The following OSBPL10 variants were observed in gnomAD, a reference collection of about 807,000 sequenced individuals.
The protein encoded by OSBPL10 is oxysterol-binding protein-related protein 10.
In OSBPL10, 49 loss-of-function variants were observed where a neutral mutation model predicts 81.7. The observed-to-expected ratio is 0.60, with a 90% CI of 0.48 to 0.76. The LOEUF (loss-of-function observed/expected upper bound fraction) is 0.76, where lower values mean the gene tolerates loss of function less well. OSBPL10 is among the 30% of genes least tolerant of loss of function. The probability of loss-of-function intolerance (pLI) is 0.00; values close to 1 mark genes in which losing one functional copy is unlikely to be tolerated. For synonymous variants in OSBPL10, 419 were observed against 383.6 expected (o/e 1.09, Z -1.08); for missense variants, 923 against 987.8 (o/e 0.93, Z 0.88).
At chr3:31,922,764 T>TC (rs1212178928) in intron 1 of OSBPL10, among the ~76,000 whole-genome samples, 5 of 152,058 alleles carry the variant, frequency 3.3e-5, no homozygotes, top group African/African-American at 1.2e-4. Context: ...AGTGATCTGT[T>TC]CCCCCGGCTG....
At chr3:31,732,495 G>C (rs1403113940) in intron 6 of OSBPL10, 1 of 152,198 alleles carries the variant, frequency 6.6e-6, no homozygotes, top group East Asian at 1.9e-4. Context: ...CATGGTTAAA[G>C]GAGGCCTCCG....
chr3:31,989,663 T>G (rs765183438), intron 2 of OSBPL10: 29 of 1,614,112 alleles, frequency 1.8e-5, no homozygotes, highest in Non-Finnish European at 2.5e-5. Flanking sequence ...TCCCAAAGAA[T>G]TTCTTCTAGG....
chr3:31,773,928 C>T (rs1224128002), intron 4 of OSBPL10, among the ~76,000 whole-genome samples: 2 of 151,974 alleles, frequency 1.3e-5, no homozygotes, highest in African/African-American at 2.4e-5. Flanking sequence ...CTTTGGGAGG[C>T]CGAGGTGGGT....
chr3:31,751,158 A>C (rs911780441), intron 4 of OSBPL10, among the ~76,000 whole-genome samples: 1 of 152,000 alleles, frequency 6.6e-6, no homozygotes, highest in African/African-American at 2.4e-5. Flanking sequence ...AAAACAACAA[A>C]AACAAACAAA....
chr3:31,692,149 A>T (rs1330012296), intron 7 of OSBPL10, among the ~76,000 whole-genome samples: 2 of 152,218 alleles, frequency 1.3e-5, no homozygotes, highest in South Asian at 2.1e-4. Flanking sequence ...GTTTTTCCAG[A>T]GTCCCAGACA....
chr3:31,903,747 C>T (rs1326835326), intron 1 of OSBPL10, among the ~76,000 whole-genome samples: 2 of 152,126 alleles, frequency 1.3e-5, no homozygotes, highest in South Asian at 2.1e-4. Flanking sequence ...GAGCTGTGTT[C>T]CTAACTACTG....
intron 1 of OSBPL10, among the ~76,000 whole-genome samples, chr3:31,942,930 C>T (rs930020587): frequency 3.3e-5 from 5 of 152,166 alleles, no homozygotes; most frequent in African/African-American, 1.2e-4. Flanking sequence ...TGTTATGCAA[C>T]CATCACTACT....
rs147472469 is a variant in OSBPL10 at position 32,026,249 on chromosome 3, G to A, written n.298+20242C>T. 3.9e-3 allele frequency among the ~76,000 whole-genome samples: 594 copies of A among 152,120 alleles called. 2 individuals are homozygous for A. Among genetic ancestry groups the A allele is most frequent in the Non-Finnish European group, 5.5e-3 (374 of 67,996 alleles). ...AACTGCTAGGCTCAGTGGTCCTCCT[G>A]CCTCAACCTCCCAAGTAGCTAGGAC... is the stretch of plus-strand genomic sequence containing the variant. On this transcript the variant is annotated intron_variant and non_coding_transcript_variant, in intron 2 of 3. Transcript: ENST00000479173.
intron 6 of OSBPL10, among the ~76,000 whole-genome samples, chr3:31,726,108 C>G (rs1034746476): frequency 2.0e-5 from 3 of 152,024 alleles, no homozygotes; most frequent in Admixed American, 1.3e-4. Flanking sequence ...GACAAAAGCC[C>G]AGTTCTGGTC....
chr3:31,987,651 C>A (rs1698953207), intron 2 of OSBPL10, among the ~76,000 whole-genome samples: 1 of 152,202 alleles, frequency 6.6e-6, no homozygotes, highest in Non-Finnish European at 1.5e-5. Flanking sequence ...CTCTAGCAGG[C>A]CAGCCCAGGC....
At chr3:32,013,611 A>T (rs1277844317) in intron 2 of OSBPL10, among the ~76,000 whole-genome samples, 2 of 152,232 alleles carry the variant, frequency 1.3e-5, no homozygotes, top group Non-Finnish European at 2.9e-5. Context: ...GAACTGAAGG[A>T]GATAGAGACA....
Position 31,812,712 on chromosome 3 carries a change from C to CA in OSBPL10, c.729+17327dup, listed in dbSNP as rs563030191. On this transcript the variant is annotated intron_variant, in intron 4 of 11. Transcript: ENST00000396556. ...TATGCTGGAATCTCTACACAGTAGG[C>CA]AAAAAAAAAGAAAGAAAGAAAGAAA... Among the ~76,000 whole-genome samples, 34 of 34,218 alleles carry CA rather than the reference C, an allele frequency of 9.9e-4. 6 individuals are homozygous for CA. Among genetic ancestry groups the CA allele is most frequent in the South Asian group, 2.2e-3 (2 of 926 alleles). The allele number at this position is 34,218 out of a possible 152,430, so 22.4% of individuals were successfully genotyped here. A position where few individuals can be genotyped will look rare whatever the true frequency, so the allele number is the denominator to read the frequency against.
chr3:31,986,792 C>G (rs534157580), intron 2 of OSBPL10, among the ~76,000 whole-genome samples: 117 of 152,118 alleles, frequency 7.7e-4, no homozygotes, highest in African/African-American at 2.7e-3. Context: ...GGGAGGATTG[C>G]CCAGGAGTTC....
At chr3:31,712,525 C>T (rs1197175264) in intron 6 of OSBPL10, among the ~76,000 whole-genome samples, 7 of 152,148 alleles carry the variant, frequency 4.6e-5, no homozygotes, top group African/African-American at 7.2e-5. Context: ...ATAGATGCAA[C>T]GTTCCTGGCT....
At chr3:31,946,141 C>T (rs565222864) in intron 1 of OSBPL10, among the ~76,000 whole-genome samples, 5 of 152,112 alleles carry the variant, frequency 3.3e-5, no homozygotes, top group East Asian at 1.9e-4. Flanking sequence ...CCACCATGCC[C>T]GGCTAATTTT....
At chr3:31,877,095 TG>T (rs1701494101) in intron 2 of OSBPL10, among the ~76,000 whole-genome samples, 1 of 151,860 alleles carries the variant, frequency 6.6e-6, no homozygotes, top group African/African-American at 2.4e-5. Flanking sequence ...TTAGTAGAGA[TG>T]GGGTTTCACT....
At chr3:31,975,312 G>A (rs1454057034) in intron 1 of OSBPL10, among the ~76,000 whole-genome samples, 3 of 152,032 alleles carry the variant, frequency 2.0e-5, no homozygotes, top group South Asian at 2.1e-4. Flanking sequence ...CTATGTACAC[G>A]CGGACAAGAA....
chr3:31,709,942 T>A (rs573606276), intron 6 of OSBPL10, among the ~76,000 whole-genome samples: 2 of 152,300 alleles, frequency 1.3e-5, no homozygotes, highest in South Asian at 4.1e-4. Context: ...AAAGACACCC[T>A]GAAAGCAAAG....
At chr3:31,722,604 T>C (rs895613930) in intron 6 of OSBPL10, among the ~76,000 whole-genome samples, 34 of 152,174 alleles carry the variant, frequency 2.2e-4, no homozygotes, top group African/African-American at 8.0e-4. Context: ...AGCATCAATC[T>C]ACTATAAGAA....
Sources: gnomAD v4.1 joint callset for allele counts (sites outside exome capture counted in the v4.1 genomes callset) on GRCh38, gnomAD v4.1.1 for gene constraint, MANE v1.5 for transcripts, NCBI Gene and HGNC (gene_info 2026-07-23, HGNC 2026-07-21) for gene names.